LIN54: variants seen among roughly 807,000 people sequenced by gnomAD.
LIN54 encodes protein lin-54 homolog.
A neutral mutation model predicts 78.7 loss-of-function variants in LIN54; 9 were observed. The ratio of observed to expected loss-of-function variants is 0.11; its 90% CI spans 0.07 to 0.20. The LOEUF is 0.20. LIN54 is among the 10% of genes least tolerant of loss of function. The pLI, the probability that LIN54 is intolerant of heterozygous loss-of-function variation, is 1.00. For missense variants in LIN54, 573 were observed against 889.9 expected (o/e 0.64, Z 4.53); for synonymous variants, 269 against 318.4 (o/e 0.84, Z 1.65).
chr4:82,999,302 T>C (rs1384117768), intron 1 of LIN54, among the ~76,000 whole-genome samples: 1 of 152,164 alleles, frequency 6.6e-6, no homozygotes, highest in Admixed American at 6.5e-5. Context: ...TGATAAGTAC[T>C]GTACATTGAG....
At chr4:82,953,533 T>C (rs774888456) in intron 4 of LIN54, among the ~76,000 whole-genome samples, 4 of 152,024 alleles carry the variant, frequency 2.6e-5, no homozygotes, top group Non-Finnish European at 4.4e-5. Flanking sequence ...GAGGCTGAGA[T>C]GGGAGGATCA....
chr4:82,957,590 C>G (rs1354634285), intron 4 of LIN54, among the ~76,000 whole-genome samples: 1 of 152,128 alleles, frequency 6.6e-6, no homozygotes, highest in Non-Finnish European at 1.5e-5. Context: ...CCCATGTGTA[C>G]TTACCTGTTT....
Position 83,004,614 on chromosome 4 carries a change from C to T in LIN54, c.-33+5870G>A, listed in dbSNP as rs117599383. ...AAGTGATCCTCCCACCTCAGCCTCCCGAGTAGCGGGGACTACAGAACGAGC... is the reference window on the plus strand; with the variant it reads ...AAGTGATCCTCCCACCTCAGCCTCCTGAGTAGCGGGGACTACAGAACGAGC... On this transcript the variant is annotated intron_variant, in intron 1 of 12. Coordinates refer to ENST00000340417, the MANE Select transcript of LIN54 (RefSeq NM_194282.4). Among the ~76,000 whole-genome samples the T allele has an allele frequency of 1.3e-3, 183 of 143,858 alleles. No individual in the cohort carries two copies. In the East Asian group the frequency reaches 0.013, roughly 10 times the overall value. The allele number at this position is 143,858 out of a possible 152,430, so 94.4% of individuals were successfully genotyped here.
At chr4:83,002,395 G>A (rs1728927126) in intron 1 of LIN54, among the ~76,000 whole-genome samples, 1 of 146,830 alleles carries the variant, frequency 6.8e-6, no homozygotes, top group South Asian at 2.3e-4. Context: ...GAGGGAGGAA[G>A]GAAGGAAGGA....
chr4:82,972,220 ATTTT>A (rs896835553), intron 3 of LIN54, among the ~76,000 whole-genome samples: 1 of 148,334 alleles, frequency 6.7e-6, no homozygotes, highest in South Asian at 2.1e-4. Context: ...ATGCTTAGCT[ATTTT>A]TTTTTTATTT....
At chr4:82,999,174 G>T (rs1728518122) in intron 1 of LIN54, among the ~76,000 whole-genome samples, 2 of 152,128 alleles carry the variant, frequency 1.3e-5, no homozygotes, top group African/African-American at 4.8e-5. Flanking sequence ...TATGTTTAAT[G>T]CAATACTGTA....
intron 1 of LIN54, among the ~76,000 whole-genome samples, chr4:83,006,380 C>A (rs1409964318): frequency 6.9e-6 from 1 of 144,024 alleles, no homozygotes; most frequent in African/African-American, 2.6e-5. Flanking sequence ...ACCTGGCAGG[C>A]AGAAGTTGCA....
chr4:83,008,944 T>A (rs1344073409), intron 1 of LIN54, among the ~76,000 whole-genome samples: 1 of 152,172 alleles, frequency 6.6e-6, no homozygotes, highest in Non-Finnish European at 1.5e-5. Flanking sequence ...ATTCTTAGTC[T>A]TACTACTGAG....
At chr4:82,935,932 T>G in intron 11 of LIN54, 49 bp downstream of exon 11, 1 of 1,587,162 alleles carries the variant, frequency 6.3e-7, no homozygotes, top group Non-Finnish European at 8.6e-7. Flanking sequence ...AGTAGGTCCT[T>G]TCTAAAACTG....
chr4:82,932,784 G>A (rs1175561590), intron 11 of LIN54, among the ~76,000 whole-genome samples: 4 of 151,958 alleles, frequency 2.6e-5, no homozygotes, highest in South Asian at 2.1e-4. Flanking sequence ...GCGATCACGC[G>A]ATTGCACTCC....
chr4:82,969,266 C>A (rs13149063), intron 4 of LIN54, among the ~76,000 whole-genome samples: 7,521 of 152,318 alleles, frequency 0.049, 273 homozygotes, highest in Middle Eastern at 0.14. Context: ...TTTGTATAAA[C>A]CTTCCCTGCC....
chr4:83,004,219 C>T (rs891662292), intron 1 of LIN54, among the ~76,000 whole-genome samples: 1 of 151,754 alleles, frequency 6.6e-6, no homozygotes, highest in African/African-American at 2.4e-5. Context: ...AATACAGTGA[C>T]ACCCCGTCTC....
At chr4:82,979,939 CAAAAAAAAAAAAAAAA>C (rs70943176) in intron 2 of LIN54, among the ~76,000 whole-genome samples, 2 of 49,872 alleles carry the variant, frequency 4.0e-5, no homozygotes, top group Non-Finnish European at 7.1e-5. Flanking sequence ...GACTCTGTCT[CAAAAAAAAAAAAAAAA>C]AAAAAAAAAA....
intron 7 of LIN54, 110 bp downstream of exon 7, chr4:82,939,429 G>A: frequency 1.1e-6 from 1 of 891,202 alleles, no homozygotes; most frequent in Non-Finnish European, 1.9e-6. Flanking sequence ...TTTGGAAAGT[G>A]CCACTTCAAT....
At chr4:83,008,799 T>G (rs1729624264) in intron 1 of LIN54, among the ~76,000 whole-genome samples, 1 of 152,218 alleles carries the variant, frequency 6.6e-6, no homozygotes, top group Non-Finnish European at 1.5e-5. Flanking sequence ...AATACACAAT[T>G]GTTCTAACCA....
At chr4:82,949,105 T>C (rs1298199515) in intron 4 of LIN54, among the ~76,000 whole-genome samples, 1 of 152,184 alleles carries the variant, frequency 6.6e-6, no homozygotes, top group African/African-American at 2.4e-5. Flanking sequence ...TTTTCCATAA[T>C]GGCTGCACCA....
rs1721571217 is a variant in LIN54 at position 82,927,460 on chromosome 4, CCT to C, written c.*640_*641del. The C allele has an allele frequency of 1.3e-5, 2 of 152,176 alleles. No individual in the cohort carries two copies. Among genetic ancestry groups the C allele is most frequent in the African/African-American group, 4.8e-5 (2 of 41,448 alleles). 9.4% of individuals were successfully genotyped at this position (152,176 alleles called of 1,614,324 possible). A position where few individuals can be genotyped will look rare whatever the true frequency, so the allele number is the denominator to read the frequency against. On this transcript the variant is annotated 3_prime_UTR_variant, in exon 13 of 13. Transcript: ENST00000340417. ...CTTATTATAGAAACACATTGCCCAT[CCT>C]CTGAGATTTACTGTCCTTTAATATT... is the stretch of plus-strand genomic sequence containing the variant.
At chr4:82,945,353 G>C (rs1723269648) in intron 5 of LIN54, among the ~76,000 whole-genome samples, 1 of 152,090 alleles carries the variant, frequency 6.6e-6, no homozygotes, top group Admixed American at 6.6e-5. Flanking sequence ...TAGAAAAGTA[G>C]CTAAATATGA....
In LIN54 at chr4:82,924,951, AC is replaced by A; in HGVS notation, c.*3150del. 1 of 152,664 alleles carries A rather than the reference AC, an allele frequency of 6.6e-6. No individual in the cohort carries two copies. The highest frequency in any genetic ancestry group is 2.4e-5 in the African/African-American group (1 of 41,460). 9.5% of individuals were successfully genotyped at this position (152,664 alleles called of 1,614,324 possible). On this transcript the variant is annotated 3_prime_UTR_variant, in exon 13 of 13. Coordinates refer to ENST00000340417, the MANE Select transcript of LIN54 (RefSeq NM_194282.4). ...TTTTCTTAACTATTTGTGTTACAGA[AC>A]AATAAAAATAGATAACTTTTCTAAA...
Sources: allele counts gnomAD v4.1 joint callset (sites outside exome capture counted in the v4.1 genomes callset), GRCh38; gene constraint gnomAD v4.1.1; transcripts MANE v1.5; gene names NCBI Gene and HGNC (gene_info 2026-07-23, HGNC 2026-07-21).